DNER: variants seen among roughly 807,000 people sequenced by gnomAD.
The protein encoded by DNER is delta/notch like EGF repeat containing.
Under a neutral mutation model 78.2 loss-of-function variants are expected in DNER, and 33 were observed. That is an observed-to-expected ratio of 0.42 (90% CI 0.32 to 0.56). DNER has a LOEUF of 0.56. Among genes scored for constraint, DNER ranks in the 20% least tolerant of loss-of-function variants. DNER has a pLI of 0.11. For synonymous variants in DNER, 417 were observed against 384.8 expected (o/e 1.08, Z -0.98); for missense variants, 918 against 975.3 (o/e 0.94, Z 0.78).
At chr2:229,369,815 T>C (rs868615612) in intron 11 of DNER, among the ~76,000 whole-genome samples, 1 of 152,000 alleles carries the variant, frequency 6.6e-6, no homozygotes. Flanking sequence ...TGAAAAGAAA[T>C]TGTGGAAATT....
At chr2:229,418,281 C>T (rs765532370) in intron 8 of DNER, 51 bp from the exon 9 acceptor site, 19 of 1,609,964 alleles carry the variant, frequency 1.2e-5, no homozygotes, top group Non-Finnish European at 1.6e-5. Context: ...ATTTACAACC[C>T]ACGCGGGACC....
At chr2:229,569,062 T>C (rs1163663444) in intron 4 of DNER, among the ~76,000 whole-genome samples, 1 of 152,218 alleles carries the variant, frequency 6.6e-6, no homozygotes, top group Non-Finnish European at 1.5e-5. Flanking sequence ...TCTGTGTATA[T>C]ACATGTCTGT....
chr2:229,549,179 G>A (rs1696682764), intron 4 of DNER, among the ~76,000 whole-genome samples: 1 of 152,210 alleles, frequency 6.6e-6, no homozygotes, highest in Non-Finnish European at 1.5e-5. Context: ...CGGGGAAATA[G>A]GGGTAGCCAG....
intron 1 of DNER, among the ~76,000 whole-genome samples, chr2:229,651,828 C>A (rs1402264613): frequency 6.6e-6 from 1 of 152,114 alleles, no homozygotes; most frequent in Non-Finnish European, 1.5e-5. Flanking sequence ...GAGCAACATG[C>A]AAGTTAGCAT....
At chr2:229,376,365 C>A (rs958780991) in intron 11 of DNER, among the ~76,000 whole-genome samples, 1 of 152,110 alleles carries the variant, frequency 6.6e-6, no homozygotes. Context: ...GAGGAATGAG[C>A]CCTCGTCAGA....
chr2:229,546,658 C>G lies in DNER; in HGVS notation c.993+289G>C, dbSNP rs536310326. Among the ~76,000 whole-genome samples, 6 of 152,270 alleles carry G rather than the reference C, an allele frequency of 3.9e-5. No individual in the cohort carries two copies. In the South Asian group the frequency reaches 1.2e-3, roughly 32 times the overall value. Reference sequence around the variant, plus strand: ...GGCTGAAACAGGAGAATCACTTGAACCCAGGAGCCAGAGGTTGCGGTAAGC... The same window carrying G: ...GGCTGAAACAGGAGAATCACTTGAAGCCAGGAGCCAGAGGTTGCGGTAAGC... On this transcript the variant is annotated intron_variant, in intron 5 of 12. Coordinates refer to ENST00000341772, the MANE Select transcript of DNER (RefSeq NM_139072.4).
chr2:229,512,543 CGAT>C (rs1559153554), intron 6 of DNER, among the ~76,000 whole-genome samples: 1 of 151,984 alleles, frequency 6.6e-6, no homozygotes, highest in Non-Finnish European at 1.5e-5. Context: ...ATGAATGACA[CGAT>C]GAACTTTGGG....
chr2:229,668,510 G>T (rs1462987832), intron 1 of DNER, among the ~76,000 whole-genome samples: 1 of 27,124 alleles, frequency 3.7e-5, no homozygotes, highest in Non-Finnish European at 7.5e-5. Flanking sequence ...CTATATATAG[G>T]TAAGTATGTG....
Position 229,547,072 on chromosome 2 carries a change from T to C in DNER, c.868A>G (p.Thr290Ala), listed in dbSNP as rs368240961. ...AAGCGCAAAGCCACAATAGACTTAG[T>C]CACAGAATCATTCACAAAACCTAAA... The part of the protein sequence containing the change: ...HFIGFVNDSV[T>A]KSIVALRLTL... Residue 290 changes from threonine to alanine, a missense_variant, in exon 5 of 13, where the codon ACT (threonine) becomes GCT (alanine). Coordinates refer to ENST00000341772, the MANE Select transcript of DNER (RefSeq NM_139072.4). The C allele has an allele frequency of 1.2e-6, 2 of 1,613,978 alleles. No individual in the cohort carries two copies. Among genetic ancestry groups the C allele is most frequent in the Admixed American group, 3.3e-5 (2 of 60,004 alleles).
At chr2:229,471,069 T>C (rs1254115452) in intron 7 of DNER, among the ~76,000 whole-genome samples, 2 of 152,122 alleles carry the variant, frequency 1.3e-5, no homozygotes, top group African/African-American at 4.8e-5. Flanking sequence ...GCATGTTTCT[T>C]ATGTAAATAC....
intron 1 of DNER, among the ~76,000 whole-genome samples, chr2:229,682,606 G>A (rs543882596): frequency 1.3e-5 from 2 of 152,310 alleles, no homozygotes; most frequent in East Asian, 3.9e-4. Context: ...CCAGCACTTT[G>A]GGAGGTCGAG....
intron 1 of DNER, among the ~76,000 whole-genome samples, chr2:229,614,053 G>C (rs988614889): frequency 6.6e-6 from 1 of 151,568 alleles, no homozygotes; most frequent in Non-Finnish European, 1.5e-5. Flanking sequence ...GGGAGGGATA[G>C]CATTAGGAGA....
intron 1 of DNER, among the ~76,000 whole-genome samples, chr2:229,639,384 AG>A (rs1468722288): frequency 2.0e-5 from 3 of 152,074 alleles, no homozygotes; most frequent in Non-Finnish European, 4.4e-5. Flanking sequence ...CCTCCTGAGT[AG>A]CTGGGATTAC....
chr2:229,372,705 A>G (rs1178685408), intron 11 of DNER, among the ~76,000 whole-genome samples: 1 of 152,190 alleles, frequency 6.6e-6, no homozygotes. Flanking sequence ...GCATGAAGAA[A>G]GGGTTTGAGG....
At chr2:229,369,504 T>C (rs758782153) in intron 11 of DNER, among the ~76,000 whole-genome samples, 1 of 152,058 alleles carries the variant, frequency 6.6e-6, no homozygotes, top group Non-Finnish European at 1.5e-5. Context: ...GTTTCAACTT[T>C]CTAAAAAAGT....
At chr2:229,367,528 G>A (rs1370093486) in intron 11 of DNER, among the ~76,000 whole-genome samples, 2 of 152,138 alleles carry the variant, frequency 1.3e-5, no homozygotes, top group African/African-American at 2.4e-5. Context: ...TTGAACTCGG[G>A]AGGCGGAGGT....
At chr2:229,496,168 A>AT (rs1200991424) in intron 6 of DNER, among the ~76,000 whole-genome samples, 1 of 152,106 alleles carries the variant, frequency 6.6e-6, no homozygotes, top group Non-Finnish European at 1.5e-5. Flanking sequence ...CTCCTCTTAG[A>AT]TTTTCTTGCA....
chr2:229,558,485 C>T (rs1696894875), intron 4 of DNER, among the ~76,000 whole-genome samples: 1 of 152,068 alleles, frequency 6.6e-6, no homozygotes, highest in African/African-American at 2.4e-5. Context: ...ATTTTTATAA[C>T]CTTATATTCC....
At chr2:229,403,472 A>T (rs952853402) in intron 10 of DNER, among the ~76,000 whole-genome samples, 4 of 152,214 alleles carry the variant, frequency 2.6e-5, no homozygotes, top group South Asian at 2.1e-4. Flanking sequence ...ATTTGGCCAC[A>T]GAACACTTTT....
Sources: allele counts gnomAD v4.1 joint callset (sites outside exome capture counted in the v4.1 genomes callset), GRCh38; gene constraint gnomAD v4.1.1; transcripts MANE v1.5; gene names NCBI Gene and HGNC (gene_info 2026-07-23, HGNC 2026-07-21).